Variants in OGFOD3 observed in about 807,000 individuals in gnomAD.
OGFOD3 encodes 2-oxoglutarate and iron-dependent oxygenase domain-containing protein 3.
In OGFOD3, 35 loss-of-function variants were observed where a neutral mutation model predicts 39.8. The ratio of observed to expected loss-of-function variants is 0.88; its 90% CI spans 0.67 to 1.17. OGFOD3 has a LOEUF of 1.17. Ranked by LOEUF, OGFOD3 falls within the 50% of genes most tolerant of loss-of-function variation. The probability of loss-of-function intolerance (pLI) is 0.00; values close to 1 mark genes in which losing one functional copy is unlikely to be tolerated. For synonymous variants in OGFOD3, 200 were observed against 192.0 expected (o/e 1.04, Z -0.34); for missense variants, 438 against 454.5 (o/e 0.96, Z 0.33).
intron 7 of OGFOD3, among the ~76,000 whole-genome samples, chr17:82,402,329 G>A (rs1217809736): frequency 6.6e-6 from 1 of 152,042 alleles, no homozygotes; most frequent in African/African-American, 2.4e-5. Flanking sequence ...CAGCTACTTG[G>A]GAGGCTGGGG....
chr17:82,403,786 T>G, intron 7 of OGFOD3, 151 bp downstream of exon 7: 1 of 1,039,958 alleles, frequency 9.6e-7, no homozygotes, highest in Non-Finnish European at 1.4e-6. Context: ...ACGTGCGTAC[T>G]CACCCTGCCC....
Position 82,389,588 on chromosome 17 carries a change from G to A in OGFOD3, c.*2810C>T, listed in dbSNP as rs1415988749. ...AGCCGTCACAGCTCACTGTAGCCTC[G>A]ACCTCCTGGGCTCAAGCAGTCGTCC... On this transcript the variant is annotated 3_prime_UTR_variant, in exon 9 of 9. Coordinates refer to ENST00000313056, the MANE Select transcript of OGFOD3 (RefSeq NM_024648.3). This position sits in a 1 kb window ranked among gnomAD's most constrained non-coding sequence, Gnocchi z 4.6. 1 of 152,118 alleles carries A rather than the reference G, an allele frequency of 6.6e-6. No individual in the cohort carries two copies. Among genetic ancestry groups the A allele is most frequent in the Non-Finnish European group, 1.5e-5 (1 of 68,034 alleles). 9.4% of individuals were successfully genotyped at this position (152,118 alleles called of 1,614,324 possible).
At position 82,403,977 on chromosome 17, in the gene OGFOD3, C is replaced by T. The variant is rs770152198; in HGVS notation, c.659G>A (p.Arg220Gln). 2.5e-6 allele frequency: 4 copies of T among 1,609,248 alleles called. No homozygotes were observed. The highest frequency in any genetic ancestry group is 1.7e-5 in the Admixed American group (1 of 59,324). ...ATGCCAGTACTCGTCGTGCGCCGTC[C>T]GCGCTTCCGTGCTGTTTATGCGGGA... The part of the protein sequence containing the change: ...FFSRINSTEA[R>Q]TAHDEYWHAH... Residue 220 changes from arginine to glutamine, a missense_variant, in exon 7 of 9, where the codon CGG (arginine) becomes CAG (glutamine). By Grantham distance (43) the Arg-to-Gln change is conservative (BLOSUM62 1). Transcript: ENST00000313056.
At position 82,398,226 on chromosome 17, in the gene OGFOD3, C is replaced by T. The variant is rs2052708105; in HGVS notation, c.793G>A (p.Gly265Ser). The change falls in exon 8 of 9, where the codon GGT (glycine) becomes AGT (serine). Residue 265 changes from glycine to serine, a missense_variant. Physicochemically the swap from Gly to Ser is moderately conservative, Grantham distance 56. Coordinates refer to ENST00000313056, the MANE Select transcript of OGFOD3 (RefSeq NM_024648.3). Reference protein sequence around the residue: ...GGGRFMFMEEGANKTVEPRAG... With the variant: ...GGGRFMFMEESANKTVEPRAG... ...CTCGGCTCCACCGTCTTGTTGGCAC[C>T]CTCCTCCATGAACATGAACCGCCCT... The T allele has an allele frequency of 6.2e-7, 1 of 1,614,098 alleles. No individual in the cohort carries two copies. Among genetic ancestry groups the T allele is most frequent in the Non-Finnish European group, 8.5e-7 (1 of 1,180,004 alleles).
rs201130928 is a variant in OGFOD3 at position 82,415,480 on chromosome 17, C to T, written c.222G>A (p.Leu74=). 1.9e-5 allele frequency: 30 copies of T among 1,613,866 alleles called. No individual in the cohort carries two copies. In the East Asian group the frequency reaches 6.5e-4, roughly 35 times the overall value. ...CTGCCACGACCTCGCCACGGCGGGC[C>T]AGGACCTCTGCGACCCCGTCGTCGG... ...LGADDGVAEV[L]ARRGEVVAGR... is the part of the protein sequence containing the mutation. The change falls in exon 2 of 9, where the codon CTG becomes CTA. Residue 74 remains leucine, a synonymous_variant. Transcript: ENST00000313056. This position sits in a 1 kb window ranked among gnomAD's most constrained non-coding sequence, Gnocchi z 5.3.
chr17:82,404,195 G>A lies in OGFOD3; in HGVS notation c.546-105C>T. On this transcript the variant is annotated intron_variant, in intron 6 of 8. Transcript: ENST00000313056. The surrounding 1 kb of genome is among the most constrained non-coding windows in gnomAD (Gnocchi z 4.5). ...AAGGAACCAGCCTTCGTACGGCTCCGGGCCCGCGGGGCGGGGGCTCCCAAG... is the reference window on the plus strand; with the variant it reads ...AAGGAACCAGCCTTCGTACGGCTCCAGGCCCGCGGGGCGGGGGCTCCCAAG... The A allele has an allele frequency of 4.6e-6, 6 of 1,302,360 alleles. No homozygotes were observed. Among genetic ancestry groups the A allele is most frequent in the Non-Finnish European group, 6.1e-6 (6 of 976,228 alleles). The allele number at this position is 1,302,360 out of a possible 1,614,324, so 80.7% of individuals were successfully genotyped here. A position where few individuals can be genotyped will look rare whatever the true frequency, so the allele number is the denominator to read the frequency against.
chr17:82,399,634 C>G (rs780243175), intron 7 of OGFOD3, among the ~76,000 whole-genome samples: 1 of 152,224 alleles, frequency 6.6e-6, no homozygotes, highest in African/African-American at 2.4e-5. Context: ...CCACGCCCCC[C>G]AGTCCTGCCC....
At position 82,404,966 on chromosome 17, in the gene OGFOD3, C is replaced by G. The variant is rs189851332; in HGVS notation, c.545+358G>C. On this transcript the variant is annotated intron_variant, in intron 6 of 8. Coordinates refer to ENST00000313056, the MANE Select transcript of OGFOD3 (RefSeq NM_024648.3). This position sits in a 1 kb window ranked among gnomAD's most constrained non-coding sequence, Gnocchi z 4.5. ...ATGTTGGCTAGGCTGGTCTCGAACTCCTGACCTCAGGTGATCCACCCGCCT... is the reference window on the plus strand; with the variant it reads ...ATGTTGGCTAGGCTGGTCTCGAACTGCTGACCTCAGGTGATCCACCCGCCT... Among the ~76,000 whole-genome samples, 7 of 152,278 alleles carry G rather than the reference C, an allele frequency of 4.6e-5. No homozygotes were observed. Among genetic ancestry groups the G allele is most frequent in the Admixed American group, 4.6e-4 (7 of 15,296 alleles).
intron 4 of OGFOD3, among the ~76,000 whole-genome samples, chr17:82,407,810 A>G (rs1318668108): frequency 1.3e-5 from 2 of 152,206 alleles, no homozygotes; most frequent in African/African-American, 2.4e-5. Context: ...GATCTTTAAC[A>G]AATAGCCCCC....
At position 82,397,694 on chromosome 17, in the gene OGFOD3, GCTCTGGGA is replaced by G. The variant is rs1444384604; in HGVS notation, c.823+494_823+501del. 5.3e-5 allele frequency among the ~76,000 whole-genome samples: 8 copies of G among 152,142 alleles called. No homozygotes were observed. In the South Asian group the frequency reaches 8.3e-4, roughly 16 times the overall value. On this transcript the variant is annotated intron_variant, in intron 8 of 8. Coordinates refer to ENST00000313056, the MANE Select transcript of OGFOD3 (RefSeq NM_024648.3). ...CTGCAGCAGGCTGGGCATGGCTGGGGCTCTGGGACTCTGGGACTGCAAGGTCCAGTGTG... is the reference window on the plus strand; with the variant it reads ...CTGCAGCAGGCTGGGCATGGCTGGGGCTCTGGGACTGCAAGGTCCAGTGTG...
At chr17:82,405,547 G>A (rs2052842052) in intron 5 of OGFOD3, among the ~76,000 whole-genome samples, 167 bp from the exon 6 acceptor site, 1 of 152,246 alleles carries the variant, frequency 6.6e-6, no homozygotes, top group Non-Finnish European at 1.5e-5. Context: ...GGGCGCAGTG[G>A]CTCACGCCTG....
At chr17:82,394,433 G>C in intron 8 of OGFOD3, 1 of 1,613,524 alleles carries the variant, frequency 6.2e-7, no homozygotes, top group Non-Finnish European at 8.5e-7. Flanking sequence ...TCGGGCGGGT[G>C]GTGAGTCCCC....
At chr17:82,405,652 T>C (rs2052843650) in intron 5 of OGFOD3, among the ~76,000 whole-genome samples, 1 of 151,932 alleles carries the variant, frequency 6.6e-6, no homozygotes, top group Non-Finnish European at 1.5e-5. Context: ...CCATCTCTAC[T>C]AAAAATACAA....
In OGFOD3 at chr17:82,415,298, C is replaced by G; in HGVS notation, c.304+100G>C. The G allele has an allele frequency of 4.1e-6, 5 of 1,214,956 alleles. No homozygotes were observed. The highest frequency in any genetic ancestry group is 2.0e-4 in the Middle Eastern group (1 of 4,988). 75.3% of individuals were successfully genotyped at this position (1,214,956 alleles called of 1,614,324 possible). ...GGAGGGGAGAGGTTGTCTGCTACCC[C>G]CAAGCATACCACATCCAACCCAATT... On this transcript the variant is annotated intron_variant, in intron 2 of 8. Transcript: ENST00000313056. This position sits in a 1 kb window ranked among gnomAD's most constrained non-coding sequence, Gnocchi z 5.3.
At chr17:82,402,421 C>G (rs1599692718) in intron 7 of OGFOD3, among the ~76,000 whole-genome samples, 1 of 145,006 alleles carries the variant, frequency 6.9e-6, no homozygotes, top group South Asian at 2.2e-4. Context: ...GGCAACAGAA[C>G]AAGACTGTCT....
At chr17:82,399,115 CGT>C (rs2052724568) in intron 7 of OGFOD3, among the ~76,000 whole-genome samples, 1 of 152,158 alleles carries the variant, frequency 6.6e-6, no homozygotes, top group South Asian at 2.1e-4. Context: ...GGATTACGCG[CGT>C]GAGTCACCAA....
At chr17:82,414,663 G>A (rs567641022) in intron 2 of OGFOD3, among the ~76,000 whole-genome samples, 4 of 152,322 alleles carry the variant, frequency 2.6e-5, no homozygotes, top group Non-Finnish European at 5.9e-5. Context: ...GTTCACGTGC[G>A]TCACAACGGC....
intron 4 of OGFOD3, among the ~76,000 whole-genome samples, chr17:82,407,502 T>C (rs1169471131): frequency 6.6e-6 from 1 of 152,164 alleles, no homozygotes; most frequent in Non-Finnish European, 1.5e-5. Flanking sequence ...CAAGCCTGAG[T>C]CATCACTTTG....
chr17:82,394,432 T>C, intron 8 of OGFOD3: 1 of 1,613,496 alleles, frequency 6.2e-7, no homozygotes, highest in Non-Finnish European at 8.5e-7. Context: ...CTCGGGCGGG[T>C]GGTGAGTCCC....
Sources: gnomAD v4.1 joint callset for allele counts (sites outside exome capture counted in the v4.1 genomes callset) on GRCh38, gnomAD v4.1.1 for gene constraint, Gnocchi (gnomAD v3.1) non-coding constraint, MANE v1.5 for transcripts, NCBI Gene and HGNC (gene_info 2026-07-23, HGNC 2026-07-21) for gene names.